DPYSL2: variants seen among roughly 807,000 people sequenced by gnomAD.
DPYSL2 encodes dihydropyrimidinase like 2, also known as dihydropyrimidinase-related protein 2.
In DPYSL2, 13 loss-of-function variants were observed where a neutral mutation model predicts 69.9. That is an observed-to-expected ratio of 0.19 (90% CI 0.12 to 0.30). The LOEUF (loss-of-function observed/expected upper bound fraction) is 0.30, where lower values mean the gene tolerates loss of function less well. Among genes scored for constraint, DPYSL2 ranks in the 10% least tolerant of loss-of-function variants. The pLI, the probability that DPYSL2 is intolerant of heterozygous loss-of-function variation, is 1.00. For missense variants in DPYSL2, 587 were observed against 918.9 expected (o/e 0.64, Z 4.67); for synonymous variants, 326 against 359.1 (o/e 0.91, Z 1.04).
intron 1 of DPYSL2, among the ~76,000 whole-genome samples, chr8:26,544,437 T>C (rs952209145): frequency 5.9e-5 from 9 of 152,252 alleles, no homozygotes; most frequent in Non-Finnish European, 2.9e-5. Context: ...CAAAGTGTGT[T>C]CTTTATTACC....
chr8:26,541,943 T>G (rs1243793577), intron 1 of DPYSL2, among the ~76,000 whole-genome samples: 1 of 152,210 alleles, frequency 6.6e-6, no homozygotes, highest in Non-Finnish European at 1.5e-5. Flanking sequence ...TCATTAATAA[T>G]TACTTAAATG....
chr8:26,558,159 T>C (rs1801019655), intron 1 of DPYSL2, among the ~76,000 whole-genome samples: 2 of 152,158 alleles, frequency 1.3e-5, no homozygotes, highest in Non-Finnish European at 2.9e-5. Context: ...ATAGCAGCTT[T>C]ATTCATGATT....
At chr8:26,543,668 G>A (rs1800719961) in intron 1 of DPYSL2, among the ~76,000 whole-genome samples, 1 of 152,080 alleles carries the variant, frequency 6.6e-6, no homozygotes, top group Non-Finnish European at 1.5e-5. Flanking sequence ...TATATTTTTA[G>A]TAGAGACAGT....
intron 7 of DPYSL2, among the ~76,000 whole-genome samples, chr8:26,629,253 T>C (rs981993165): frequency 1.3e-5 from 2 of 151,706 alleles, no homozygotes; most frequent in East Asian, 3.9e-4. Flanking sequence ...TGCATACACA[T>C]AGTAACACAC....
At chr8:26,639,131 G>C (rs1308765499) in intron 8 of DPYSL2, among the ~76,000 whole-genome samples, 1 of 152,224 alleles carries the variant, frequency 6.6e-6, no homozygotes, top group African/African-American at 2.4e-5. Context: ...CAAACGTTAT[G>C]AGAAGCACAT....
chr8:26,544,747 G>A (rs1032910661), intron 1 of DPYSL2, among the ~76,000 whole-genome samples: 2 of 152,268 alleles, frequency 1.3e-5, no homozygotes, highest in South Asian at 2.1e-4. Flanking sequence ...AATACAAAGT[G>A]TACAAAATGA....
chr8:26,603,503 T>A (rs905755803), intron 3 of DPYSL2, among the ~76,000 whole-genome samples: 1 of 152,230 alleles, frequency 6.6e-6, no homozygotes, highest in African/African-American at 2.4e-5. Flanking sequence ...GTAGCATACA[T>A]AACACAAATT....
chr8:26,514,439 C>T lies in DPYSL2; in HGVS notation c.114C>T (p.Phe38=). The change falls in exon 1 of 14, where the codon TTC becomes TTT. Residue 38 remains phenylalanine (F), a synonymous_variant. Transcript: ENST00000521913. This position sits in a 1 kb window ranked among gnomAD's most constrained non-coding sequence, Gnocchi z 8.4. ...CCCGGCAGAAATTCTGTGGCATGTT[C>T]TGCCCGGTGGAAGGGTCCTCGGAGA... is the stretch of plus-strand genomic sequence containing the variant. The part of the protein sequence containing the change: ...PKPRQKFCGM[F]CPVEGSSENK... 6.5e-7 allele frequency: 1 copy of T among 1,527,452 alleles called. No homozygotes were observed. The highest frequency in any genetic ancestry group is 8.7e-7 in the Non-Finnish European group (1 of 1,143,792). 94.6% of individuals were successfully genotyped at this position (1,527,452 alleles called of 1,614,324 possible).
intron 3 of DPYSL2, among the ~76,000 whole-genome samples, chr8:26,590,009 G>A (rs1252204257): frequency 6.6e-6 from 1 of 152,164 alleles, no homozygotes; most frequent in African/African-American, 2.4e-5. Context: ...GTACATCCAC[G>A]GCTTGTCATT....
chr8:26,542,013 G>A (rs1380349416), intron 1 of DPYSL2, among the ~76,000 whole-genome samples: 5 of 151,762 alleles, frequency 3.3e-5, no homozygotes, highest in Non-Finnish European at 4.4e-5. Context: ...GCTAATGCCT[G>A]TAATCCCAAC....
intron 1 of DPYSL2, among the ~76,000 whole-genome samples, chr8:26,549,230 A>ATCATC (rs1434685412): frequency 6.6e-6 from 1 of 151,144 alleles, no homozygotes; most frequent in Non-Finnish European, 1.5e-5. Flanking sequence ...AATAATAATC[A>ATCATC]AAAGGATATG....
Position 26,582,099 on chromosome 8 carries a change from C to A in DPYSL2, c.443+42C>A. 6.6e-7 allele frequency: 1 copy of A among 1,508,708 alleles called. No individual in the cohort carries two copies. The highest frequency in any genetic ancestry group is 1.1e-5 in the South Asian group (1 of 88,596). The allele number at this position is 1,508,708 out of a possible 1,614,324, so 93.5% of individuals were successfully genotyped here. ...ATATACAGATGTATTTGAACACTTT[C>A]CAGACTTCCCAAGTATTAGATACCA... On this transcript the variant is annotated intron_variant, in intron 2 of 13. Transcript: ENST00000521913. This position sits in a 1 kb window ranked among gnomAD's most constrained non-coding sequence, Gnocchi z 4.1.
rs1803217306 is a variant in DPYSL2, at chr8:26,648,446, CG to C, written c.1596+647del. 6.6e-6 allele frequency among the ~76,000 whole-genome samples: 1 copy of C among 152,164 alleles called. No homozygotes were observed. Among genetic ancestry groups the C allele is most frequent in the African/African-American group, 2.4e-5 (1 of 41,410 alleles). ...CCAGGGCAAGTCTGTTAATGTCTTA[CG>C]CTCCTCAGCTGAGAGTGAGGGGTTC... On this transcript the variant is annotated intron_variant, in intron 11 of 13. Coordinates refer to ENST00000521913, the MANE Select transcript of DPYSL2 (RefSeq NM_001197293.3). The surrounding 1 kb of genome is among the most constrained non-coding windows in gnomAD (Gnocchi z 4.3).
intron 7 of DPYSL2, among the ~76,000 whole-genome samples, chr8:26,630,095 T>G (rs1563417804): frequency 6.6e-6 from 1 of 152,154 alleles, no homozygotes; most frequent in Non-Finnish European, 1.5e-5. Context: ...TACCCACGTA[T>G]TTTCACATAC....
intron 1 of DPYSL2, among the ~76,000 whole-genome samples, chr8:26,539,525 G>A (rs1432446923): frequency 6.6e-6 from 1 of 152,136 alleles, no homozygotes; most frequent in African/African-American, 2.4e-5. Flanking sequence ...ATGTAATAAA[G>A]GCTCTAATTT....
intron 1 of DPYSL2, among the ~76,000 whole-genome samples, chr8:26,567,486 G>A (rs1027318385): frequency 2.6e-5 from 4 of 152,268 alleles, no homozygotes; most frequent in African/African-American, 9.6e-5. Flanking sequence ...GGTGGGTGAT[G>A]AGGAGAGAGA....
At chr8:26,572,112 G>C (rs905927531) in intron 1 of DPYSL2, among the ~76,000 whole-genome samples, 4 of 152,066 alleles carry the variant, frequency 2.6e-5, no homozygotes, top group African/African-American at 9.7e-5. Context: ...GCCACCTCTG[G>C]GCTCTGTTTT....
rs11135947 is a variant in DPYSL2 at position 26,565,219 on chromosome 8, C to T, written c.355-16750C>T. ...TTAGGCTGGTTCCATATTTGTGCAA[C>T]TGTGACTTGTGCTGCAATAAACATA... On this transcript the variant is annotated intron_variant, in intron 1 of 13. Transcript: ENST00000521913. This position sits in a 1 kb window ranked among gnomAD's most constrained non-coding sequence, Gnocchi z 4.1. 0.1 allele frequency among the ~76,000 whole-genome samples: 15,576 copies of T among 151,854 alleles called. 887 individuals carry two copies. The highest frequency in any genetic ancestry group is 0.12 in the Non-Finnish European group (8,235 of 67,948).
At chr8:26,549,200 T>TTAATAATAATAATAATAA (rs57336957) in intron 1 of DPYSL2, among the ~76,000 whole-genome samples, 479 of 146,410 alleles carry the variant, frequency 3.3e-3, no homozygotes, top group Middle Eastern at 0.015. Flanking sequence ...AAAAATTAAG[T>TTAATAATAATAATAATAA]TAATAATAAT....
Sources: allele counts gnomAD v4.1 joint callset (sites outside exome capture counted in the v4.1 genomes callset), GRCh38; gene constraint gnomAD v4.1.1; non-coding constraint Gnocchi (gnomAD v3.1); transcripts MANE v1.5; gene names NCBI Gene and HGNC (gene_info 2026-07-23, HGNC 2026-07-21).